Variants in TOPBP1 observed in about 807,000 individuals in gnomAD.
The protein encoded by TOPBP1 is DNA topoisomerase 2-binding protein 1.
Under a neutral mutation model 167.7 loss-of-function variants are expected in TOPBP1, and 28 were observed. The ratio of observed to expected loss-of-function variants is 0.17; its 90% CI spans 0.12 to 0.23. The LOEUF (loss-of-function observed/expected upper bound fraction) is 0.23. Among genes scored for constraint, TOPBP1 ranks in the 10% least tolerant of loss-of-function variants. TOPBP1 has a pLI of 1.00. For missense variants in TOPBP1, 1,554 were observed against 1,809.6 expected (o/e 0.86, Z 2.56); for synonymous variants, 598 against 611.4 (o/e 0.98, Z 0.32).
intron 13 of TOPBP1, among the ~76,000 whole-genome samples, chr3:133,639,609 AG>A (rs1227345534): frequency 6.6e-6 from 1 of 152,228 alleles, no homozygotes; most frequent in Admixed American, 6.5e-5. Flanking sequence ...ATAATTAAAA[AG>A]AAAAAATGAA....
intron 14 of TOPBP1, among the ~76,000 whole-genome samples, chr3:133,632,086 T>C (rs1476669994): frequency 6.6e-6 from 1 of 152,150 alleles, no homozygotes; most frequent in Non-Finnish European, 1.5e-5. Context: ...CTGTACAGCC[T>C]GTGGAACTGA....
intron 14 of TOPBP1, among the ~76,000 whole-genome samples, chr3:133,632,763 G>A (rs560739153): frequency 6.6e-6 from 1 of 152,082 alleles, no homozygotes; most frequent in South Asian, 2.1e-4. Context: ...AGTTACACTG[G>A]CATATAGTTA....
chr3:133,646,952 G>A (rs1173293302), intron 10 of TOPBP1, among the ~76,000 whole-genome samples: 1 of 152,122 alleles, frequency 6.6e-6, no homozygotes, highest in East Asian at 1.9e-4. Context: ...AAAGCTAATG[G>A]TTAGTCAAAA....
rs1935036741 is a variant in TOPBP1 at position 133,620,174 on chromosome 3, T to C, written c.3352A>G (p.Arg1118Gly). ...ACACACCTCAGTGCCTCTAGGACTC[T>C]ACTTCGTCCACTGCGAGCAGAGCGA... The part of the protein sequence containing the change: ...STRSARSGRS[R>G]VLEALRQSRQ... The change falls in exon 20 of 28, where the codon AGA (arginine) becomes GGA (glycine). Residue 1118 changes from arginine (R) to glycine (G), a missense_variant. Around this residue, in one of 3 missense-constraint regions of TOPBP1, gnomAD observed 1,197 missense variants for 1,351.5 expected, o/e 0.89. Coordinates refer to ENST00000260810, the MANE Select transcript of TOPBP1 (RefSeq NM_007027.4). 6.2e-7 allele frequency: 1 copy of C among 1,613,416 alleles called. No individual in the cohort carries two copies. Among genetic ancestry groups the C allele is most frequent in the African/African-American group, 1.3e-5 (1 of 74,944 alleles).
intron 14 of TOPBP1, among the ~76,000 whole-genome samples, chr3:133,631,309 T>C (rs1447332658): frequency 6.6e-6 from 1 of 152,236 alleles, no homozygotes; most frequent in African/African-American, 2.4e-5. Context: ...CTTTATTACA[T>C]AATAAATTCC....
chr3:133,614,440 A>G lies in TOPBP1; in HGVS notation c.3872-1888T>C, dbSNP rs111749550. On this transcript the variant is annotated intron_variant, in intron 23 of 27. Transcript: ENST00000260810. Reference sequence around the variant, plus strand: ...ATAATAGACTGATTTATATACATATATATCAGTTGGCCACAGTTGCTTCAT... The same window carrying G: ...ATAATAGACTGATTTATATACATATGTATCAGTTGGCCACAGTTGCTTCAT... Among the ~76,000 whole-genome samples the G allele has an allele frequency of 4.9e-3, 743 of 152,304 alleles. 8 individuals are homozygous for G. Among genetic ancestry groups the G allele is most frequent in the Non-Finnish European group, 7.0e-3 (475 of 68,034 alleles).
chr3:133,650,385 G>A (rs1278712586), intron 8 of TOPBP1, among the ~76,000 whole-genome samples: 1 of 148,672 alleles, frequency 6.7e-6, no homozygotes, highest in African/African-American at 2.5e-5. Context: ...GGGAGGGGTT[G>A]TTTTTTCCAG....
chr3:133,618,120 C>T (rs1934959684), intron 21 of TOPBP1, 93 bp downstream of exon 21: 1 of 1,064,204 alleles, frequency 9.4e-7, no homozygotes, highest in Non-Finnish European at 1.4e-6. Flanking sequence ...TTTGCACATT[C>T]AGATCAGAGA....
At chr3:133,610,227 C>G (rs1260677596) in intron 25 of TOPBP1, among the ~76,000 whole-genome samples, 1 of 152,110 alleles carries the variant, frequency 6.6e-6, no homozygotes, top group Non-Finnish European at 1.5e-5. Flanking sequence ...ACAGAAAGGA[C>G]ATGCTGATTT....
In TOPBP1 at chr3:133,661,115, C is replaced by T. The variant is rs1936695992; in HGVS notation, c.13G>A (p.Asp5Asn). 1 of 1,589,534 alleles carries T rather than the reference C, an allele frequency of 6.3e-7. No individual in the cohort carries two copies. Among genetic ancestry groups the T allele is most frequent in the East Asian group, 2.2e-5 (1 of 44,546 alleles). MSRN[D>N]KEPFFVKFLK... The stretch of plus-strand genomic sequence containing the variant: ...AACTTCACAAAAAACGGTTCTTTGT[C>T]ATTTCTGGACATTTCTGAACTGTCA... The change falls in exon 2 of 28, where the codon GAC becomes AAC. Residue 5 changes from aspartate to asparagine, a missense_variant. Transcript: ENST00000260810.
intron 27 of TOPBP1, among the ~76,000 whole-genome samples, chr3:133,607,047 C>T (rs552266128): frequency 6.6e-6 from 1 of 152,184 alleles, no homozygotes; most frequent in East Asian, 1.9e-4. Flanking sequence ...AATGTGCTCC[C>T]ACTATAAACC....
At chr3:133,646,731 C>T (rs1237790865) in intron 10 of TOPBP1, among the ~76,000 whole-genome samples, 2 of 151,250 alleles carry the variant, frequency 1.3e-5, no homozygotes, top group African/African-American at 4.9e-5. Context: ...TGATACAATA[C>T]TAAAGCATAA....
intron 13 of TOPBP1, 136 bp downstream of exon 13, chr3:133,639,823 A>T: frequency 1.3e-6 from 1 of 774,992 alleles, no homozygotes; most frequent in Non-Finnish European, 2.0e-6. Flanking sequence ...TAGACTTCGA[A>T]CACTGAGACC....
intron 16 of TOPBP1, 111 bp from the exon 17 acceptor site, chr3:133,624,286 A>C (rs1559815274): frequency 8.2e-7 from 1 of 1,216,330 alleles, no homozygotes; most frequent in Non-Finnish European, 1.2e-6. Flanking sequence ...AAACTTTCGG[A>C]CTAGAGTAAA....
intron 12 of TOPBP1, among the ~76,000 whole-genome samples, chr3:133,642,429 T>C (rs778512030): frequency 3.4e-4 from 52 of 152,336 alleles, no homozygotes; most frequent in Non-Finnish European, 4.9e-4. Flanking sequence ...CCTTAATATA[T>C]ATTCATTGAA....
chr3:133,629,631 G>A (rs1352677882), intron 14 of TOPBP1, among the ~76,000 whole-genome samples: 1 of 152,172 alleles, frequency 6.6e-6, no homozygotes, highest in Non-Finnish European at 1.5e-5. Context: ...AGCAAAGTAT[G>A]AGTGTGTGTG....
intron 10 of TOPBP1, among the ~76,000 whole-genome samples, chr3:133,647,955 T>C (rs1242625233): frequency 6.6e-6 from 1 of 152,104 alleles, no homozygotes; most frequent in Admixed American, 6.5e-5. Flanking sequence ...TTCAAAGAGA[T>C]AATAAACATT....
At chr3:133,615,125 A>C (rs567020454) in intron 23 of TOPBP1, among the ~76,000 whole-genome samples, 2 of 151,988 alleles carry the variant, frequency 1.3e-5, no homozygotes, top group South Asian at 4.2e-4. Flanking sequence ...TTAAAAAGAC[A>C]GCATTAAATA....
At chr3:133,610,953 G>A in intron 25 of TOPBP1, 51 bp downstream of exon 25, 1 of 1,454,706 alleles carries the variant, frequency 6.9e-7, no homozygotes, top group Non-Finnish European at 9.2e-7. Flanking sequence ...ATGTGAAAGA[G>A]TCACAATATT....
Sources: allele counts gnomAD v4.1 joint callset (sites outside exome capture counted in the v4.1 genomes callset), GRCh38; gene constraint gnomAD v4.1.1; regional missense constraint gnomAD v4.1.1; transcripts MANE v1.5; gene names NCBI Gene and HGNC (gene_info 2026-07-23, HGNC 2026-07-21).